The following GALNT16 variants were observed in gnomAD, a reference collection of about 807,000 sequenced individuals.
The protein encoded by GALNT16 is UDP-GalNAc:polypeptide N-acetylgalactosaminyltransferase-like protein 1.
GALNT16 carries 40 observed loss-of-function variants against 76.1 expected under a neutral mutation model. The ratio of observed to expected loss-of-function variants is 0.53; its 90% CI spans 0.41 to 0.68. The LOEUF is 0.68. Among genes scored for constraint, GALNT16 ranks in the 30% least tolerant of loss-of-function variants. The pLI, the probability that GALNT16 is intolerant of heterozygous loss-of-function variation, is 0.00. For missense variants in GALNT16, 621 were observed against 731.9 expected (o/e 0.85, Z 1.75); for synonymous variants, 276 against 285.2 (o/e 0.97, Z 0.32).
At chr14:69,322,986 GCGCA>G (rs5809427) in intron 2 of GALNT16, among the ~76,000 whole-genome samples, 4,854 of 28,608 alleles carry the variant, frequency 0.17, 244 homozygotes, top group East Asian at 0.29. Context: ...GTGTGTGCGC[GCGCA>G]CGCGCGCACG....
At chr14:69,324,970 A>T (rs1007626432) in intron 3 of GALNT16, among the ~76,000 whole-genome samples, 180 bp downstream of exon 3, 1 of 152,168 alleles carries the variant, frequency 6.6e-6, no homozygotes, top group Non-Finnish European at 1.5e-5. Context: ...CTGTTAGAGG[A>T]ATGCGACAGT....
At chr14:69,314,259 A>G (rs1359735094) in intron 1 of GALNT16, among the ~76,000 whole-genome samples, 1 of 152,266 alleles carries the variant, frequency 6.6e-6, no homozygotes, top group Non-Finnish European at 1.5e-5. Context: ...AGCACATTAT[A>G]TGCATTGCAT....
At chr14:69,309,520 C>T (rs1384552230) in intron 1 of GALNT16, among the ~76,000 whole-genome samples, 3 of 152,000 alleles carry the variant, frequency 2.0e-5, no homozygotes, top group Non-Finnish European at 4.4e-5. Flanking sequence ...CTGTGTTGCC[C>T]AGACTGGTCT....
At chr14:69,312,059 GT>G (rs2045032097) in intron 1 of GALNT16, among the ~76,000 whole-genome samples, 1 of 94,240 alleles carries the variant, frequency 1.1e-5, no homozygotes, top group Non-Finnish European at 2.2e-5. Flanking sequence ...AAAAAAATCT[GT>G]CTATCTATCT....
upstream of GALNT16, chr14:69,260,084 T>C (rs888799484): frequency 5.1e-5 from 28 of 544,922 alleles, no homozygotes; most frequent in African/African-American, 4.6e-4. Context: ...CGCTCGGGGC[T>C]GAAGGGCATT....
intron 1 of GALNT16, among the ~76,000 whole-genome samples, chr14:69,267,557 T>G (rs896319120): frequency 1.3e-5 from 2 of 152,146 alleles, no homozygotes; most frequent in Non-Finnish European, 2.9e-5. Context: ...AGTTCAGAGG[T>G]GAGTGACATG....
intron 2 of GALNT16, among the ~76,000 whole-genome samples, chr14:69,323,755 G>A (rs1008214059): frequency 1.3e-5 from 2 of 152,196 alleles, no homozygotes; most frequent in Non-Finnish European, 2.9e-5. Flanking sequence ...ACTCCTGCCT[G>A]TCTGACCTGG....
At chr14:69,347,008 A>T (rs202167816) in intron 12 of GALNT16, 32 bp from the exon 13 acceptor site, 219 of 1,613,642 alleles carry the variant, frequency 1.4e-4, no homozygotes, top group Admixed American at 6.7e-5. Context: ...TGGGGGGGAA[A>T]GCACAAGCCT....
At chr14:69,334,020 C>T (rs2045388616) in intron 9 of GALNT16, among the ~76,000 whole-genome samples, 1 of 152,216 alleles carries the variant, frequency 6.6e-6, no homozygotes, top group Admixed American at 6.5e-5. Context: ...GGGTGCAAAC[C>T]CTGACCCTAC....
At chr14:69,339,773 A>G (rs1387267697) in intron 11 of GALNT16, 154 bp downstream of exon 11, 1 of 583,846 alleles carries the variant, frequency 1.7e-6, no homozygotes, top group Non-Finnish European at 3.0e-6. Flanking sequence ...CTGGGAGGGA[A>G]TGCAACCGCA....
chr14:69,305,219 G>A (rs72625674), intron 1 of GALNT16, among the ~76,000 whole-genome samples: 9,593 of 150,026 alleles, frequency 0.064, 571 homozygotes, highest in East Asian at 0.31. Context: ...CCCAGGCTGG[G>A]GTAGTGTGAT....
In GALNT16 at chr14:69,261,025, C is replaced by T. The variant is rs2044263198; in HGVS notation, c.177+558C>T. ...TGAACCCGCTTCTTCGGCGCGGACACCCAGCTTCCCCGGAGTTCTCTGGGT... is the reference window on the plus strand; with the variant it reads ...TGAACCCGCTTCTTCGGCGCGGACATCCAGCTTCCCCGGAGTTCTCTGGGT... On this transcript the variant is annotated intron_variant, in intron 1 of 14. Coordinates refer to ENST00000448469, the MANE Select transcript of GALNT16 (RefSeq NM_001168368.2). This position sits in a 1 kb window ranked among gnomAD's most constrained non-coding sequence, Gnocchi z 6.4. Among the ~76,000 whole-genome samples the T allele has an allele frequency of 6.6e-6, 1 of 152,310 alleles. No homozygotes were observed. The highest frequency in any genetic ancestry group is 3.4e-3 in the Middle Eastern group (1 of 294).
chr14:69,285,042 T>G (rs75341871), intron 1 of GALNT16, among the ~76,000 whole-genome samples: 16 of 132,386 alleles, frequency 1.2e-4, no homozygotes, highest in Non-Finnish European at 2.3e-4. Flanking sequence ...CGGGCACTCT[T>G]TTTTTTTTTT....
the GALNT16 span, among the ~76,000 whole-genome samples, chr14:69,367,280 A>G: frequency 2.0e-5 from 3 of 152,074 alleles, no homozygotes; most frequent in African/African-American, 7.2e-5. Flanking sequence ...GCAAACTCAT[A>G]TGTTGAAACC....
chr14:69,262,533 C>G (rs550792001), intron 1 of GALNT16, among the ~76,000 whole-genome samples: 1 of 152,248 alleles, frequency 6.6e-6, no homozygotes, highest in South Asian at 2.1e-4. Flanking sequence ...GAGCGGGAAG[C>G]TAAGTTTAAA....
chr14:69,323,409 G>A (rs916213107), intron 2 of GALNT16, among the ~76,000 whole-genome samples: 2 of 152,224 alleles, frequency 1.3e-5, no homozygotes, highest in African/African-American at 4.8e-5. Context: ...TTCAGATGGG[G>A]TGTGGGTGGG....
chr14:69,319,373 G>C (rs2045145725), intron 1 of GALNT16, among the ~76,000 whole-genome samples: 1 of 152,236 alleles, frequency 6.6e-6, no homozygotes, highest in African/African-American at 2.4e-5. Flanking sequence ...ACTCCCCACA[G>C]GTCTAGCTGC....
At chr14:69,288,884 CT>C (rs939083892) in intron 1 of GALNT16, among the ~76,000 whole-genome samples, 25 of 149,306 alleles carry the variant, frequency 1.7e-4, no homozygotes, top group Admixed American at 6.7e-4. Flanking sequence ...TAGAAGTCTT[CT>C]TTTTTTTTTA....
chr14:69,363,299 T>C, the GALNT16 span, among the ~76,000 whole-genome samples: 2 of 152,126 alleles, frequency 1.3e-5, no homozygotes, highest in African/African-American at 4.8e-5. Context: ...CCCACAGATA[T>C]TATCAACAAC....
Sources: allele counts gnomAD v4.1 joint callset (sites outside exome capture counted in the v4.1 genomes callset), GRCh38; gene constraint gnomAD v4.1.1; non-coding constraint Gnocchi (gnomAD v3.1); transcripts MANE v1.5; gene names NCBI Gene and HGNC (gene_info 2026-07-23, HGNC 2026-07-21).